LRRTM4: variants seen among roughly 807,000 people sequenced by gnomAD.
LRRTM4 encodes leucine rich repeat transmembrane neuronal 4.
Under a neutral mutation model 47.6 loss-of-function variants are expected in LRRTM4, and 25 were observed. The observed-to-expected ratio is 0.53, with a 90% CI of 0.38 to 0.73. LRRTM4 has a LOEUF of 0.73. Among genes scored for constraint, LRRTM4 ranks in the 30% least tolerant of loss-of-function variants. LRRTM4 has a pLI of 0.00. For missense variants in LRRTM4, 638 were observed against 713.4 expected (o/e 0.89, Z 1.20); for synonymous variants, 311 against 269.5 (o/e 1.15, Z -1.51).
At chr2:76,945,074 T>A (rs1675278712) in intron 3 of LRRTM4, among the ~76,000 whole-genome samples, 1 of 152,096 alleles carries the variant, frequency 6.6e-6, no homozygotes, top group African/African-American at 2.4e-5. Flanking sequence ...AGGACAGGTA[T>A]GTGTTTTTTG....
chr2:77,002,671 C>G (rs1677476739), intron 3 of LRRTM4, among the ~76,000 whole-genome samples: 2 of 152,070 alleles, frequency 1.3e-5, no homozygotes, highest in South Asian at 4.2e-4. Flanking sequence ...TTTTTGATTT[C>G]TGAAAACACC....
chr2:77,271,112 G>A (rs1432119710), intron 3 of LRRTM4, among the ~76,000 whole-genome samples: 1 of 152,088 alleles, frequency 6.6e-6, no homozygotes, highest in Non-Finnish European at 1.5e-5. Flanking sequence ...TCCGCTGACA[G>A]CCATTTTCAT....
chr2:76,754,897 G>C lies in LRRTM4; in HGVS notation c.1552-5981C>G, dbSNP rs561058268. Among the ~76,000 whole-genome samples the C allele has an allele frequency of 2.6e-5, 4 of 152,192 alleles. No individual in the cohort carries two copies. In the South Asian group the frequency reaches 6.2e-4, roughly 24 times the overall value. On this transcript the variant is annotated intron_variant, in intron 3 of 3. Coordinates refer to ENST00000409884, the MANE Select transcript of LRRTM4 (RefSeq NM_001134745.3). ...ACCAGCCAGTCTCTGCAGCACTCAC[G>C]GGAGCTCATCACAAGCACATGTGCA...
chr2:77,112,469 A>C (rs914678991), intron 3 of LRRTM4, among the ~76,000 whole-genome samples: 1 of 152,206 alleles, frequency 6.6e-6, no homozygotes, highest in Admixed American at 6.5e-5. Flanking sequence ...AATTCTTGAA[A>C]GTAAGAGTAA....
intron 3 of LRRTM4, among the ~76,000 whole-genome samples, chr2:77,485,389 G>A (rs1486512623): frequency 6.6e-6 from 1 of 151,966 alleles, no homozygotes; most frequent in Non-Finnish European, 1.5e-5. Flanking sequence ...GACAAAATAG[G>A]ACACAAAATA....
At chr2:77,012,954 C>G (rs961242344) in intron 3 of LRRTM4, among the ~76,000 whole-genome samples, 1 of 152,048 alleles carries the variant, frequency 6.6e-6, no homozygotes, top group African/African-American at 2.4e-5. Context: ...CACATCCTAC[C>G]AAGGAAAATA....
intron 3 of LRRTM4, among the ~76,000 whole-genome samples, chr2:76,921,664 T>C (rs1387622406): frequency 1.3e-5 from 2 of 152,132 alleles, no homozygotes; most frequent in Admixed American, 1.3e-4. Context: ...TTTTTTATTT[T>C]GCTGCTCAAG....
chr2:76,938,999 G>T (rs1675045904), intron 3 of LRRTM4, among the ~76,000 whole-genome samples: 1 of 151,966 alleles, frequency 6.6e-6, no homozygotes, highest in Non-Finnish European at 1.5e-5. Flanking sequence ...TCTGAGGTTT[G>T]TGAGTAGGAG....
chr2:76,786,255 T>TG (rs1191163931), intron 3 of LRRTM4, among the ~76,000 whole-genome samples: 2 of 152,198 alleles, frequency 1.3e-5, no homozygotes, highest in Non-Finnish European at 2.9e-5. Context: ...CTTACAGCAA[T>TG]ATTTTCCAAT....
chr2:76,768,538 AT>A (rs1028740205), intron 3 of LRRTM4, among the ~76,000 whole-genome samples: 4 of 152,038 alleles, frequency 2.6e-5, no homozygotes, highest in Non-Finnish European at 5.9e-5. Flanking sequence ...TGGGGAAAAC[AT>A]TTTTTTCCCC....
intron 3 of LRRTM4, among the ~76,000 whole-genome samples, chr2:77,070,450 C>T (rs1319265387): frequency 6.6e-6 from 1 of 152,098 alleles, no homozygotes; most frequent in African/African-American, 2.4e-5. Context: ...GACCAAACTA[C>T]ATCCTAAAAA....
At chr2:77,027,231 G>A (rs1187118648) in intron 3 of LRRTM4, among the ~76,000 whole-genome samples, 1 of 152,070 alleles carries the variant, frequency 6.6e-6, no homozygotes, top group Non-Finnish European at 1.5e-5. Context: ...CAGAGGAAAT[G>A]CTATGTAAGA....
intron 3 of LRRTM4, among the ~76,000 whole-genome samples, chr2:77,426,269 C>G (rs536897328): frequency 6.6e-6 from 1 of 152,280 alleles, no homozygotes; most frequent in South Asian, 2.1e-4. Flanking sequence ...CTTAGTTCAG[C>G]TGTGATTTAA....
intron 3 of LRRTM4, among the ~76,000 whole-genome samples, chr2:77,103,622 T>C (rs1671014080): frequency 6.7e-6 from 1 of 149,120 alleles, no homozygotes; most frequent in African/African-American, 2.5e-5. Flanking sequence ...TCAATGTAAT[T>C]CAGGAGAGTG....
intron 3 of LRRTM4, among the ~76,000 whole-genome samples, chr2:77,005,135 G>GATTGTT (rs1000537582): frequency 1.3e-5 from 2 of 151,726 alleles, no homozygotes; most frequent in African/African-American, 2.4e-5. Flanking sequence ...TGGAAGGCAT[G>GATTGTT]ATTGTTTTTG....
intron 3 of LRRTM4, among the ~76,000 whole-genome samples, chr2:76,787,854 C>T (rs1244391023): frequency 2.0e-5 from 3 of 152,074 alleles, no homozygotes; most frequent in Non-Finnish European, 2.9e-5. Flanking sequence ...GTCCTTTAGG[C>T]AAATTTGTGC....
At chr2:76,956,100 C>T (rs928929630) in intron 3 of LRRTM4, among the ~76,000 whole-genome samples, 2 of 150,638 alleles carry the variant, frequency 1.3e-5, no homozygotes, top group Non-Finnish European at 3.0e-5. Flanking sequence ...TTTAACAACA[C>T]ACATTAGTCA....
At chr2:77,520,706 A>G (rs2104137669) in intron 2 of LRRTM4, among the ~76,000 whole-genome samples, 1 of 152,258 alleles carries the variant, frequency 6.6e-6, no homozygotes, top group East Asian at 1.9e-4. Flanking sequence ...AAACAAGGAA[A>G]GAAGCAGCCA....
intron 3 of LRRTM4, among the ~76,000 whole-genome samples, chr2:77,012,985 TTTTA>T (rs1451587662): frequency 1.3e-5 from 2 of 152,196 alleles, no homozygotes; most frequent in African/African-American, 4.8e-5. Context: ...AGAGGTATAA[TTTTA>T]TTTGTGACAG....
Sources: gnomAD v4.1 joint callset for allele counts (sites outside exome capture counted in the v4.1 genomes callset) on GRCh38, gnomAD v4.1.1 for gene constraint, MANE v1.5 for transcripts, NCBI Gene and HGNC (gene_info 2026-07-23, HGNC 2026-07-21) for gene names.